Variants in AUTS2 observed in about 807,000 individuals in gnomAD.
AUTS2 encodes the protein autism susceptibility gene 2 protein.
AUTS2 carries 17 observed loss-of-function variants against 112.4 expected under a neutral mutation model. The ratio of observed to expected loss-of-function variants is 0.15; its 90% confidence interval spans 0.10 to 0.23. The LOEUF is 0.23. Ranked by LOEUF, AUTS2 falls within the 10% of genes least tolerant of loss-of-function variation. The probability of loss-of-function intolerance (pLI) is 1.00; values close to 1 mark genes in which losing one functional copy is unlikely to be tolerated. For missense variants in AUTS2, 1,510 were observed against 1,701.6 expected (o/e 0.89, Z 1.98); for synonymous variants, 751 against 702.7 (o/e 1.07, Z -1.09).
chr7:70,772,916 A>G (rs1257948469), intron 11 of AUTS2, among the ~76,000 whole-genome samples: 2 of 152,266 alleles, frequency 1.3e-5, no homozygotes, highest in Non-Finnish European at 2.9e-5. Flanking sequence ...CTCCCCAAAC[A>G]GACTGGTAGG....
intron 1 of AUTS2, among the ~76,000 whole-genome samples, chr7:69,887,787 A>G (rs1794340985): frequency 6.6e-6 from 1 of 152,224 alleles, no homozygotes; most frequent in East Asian, 1.9e-4. Context: ...ATAGTGAGGT[A>G]CTGAGATCCA....
intron 4 of AUTS2, among the ~76,000 whole-genome samples, chr7:70,295,923 A>T (rs931164157): frequency 2.6e-5 from 4 of 152,170 alleles, no homozygotes; most frequent in African/African-American, 9.7e-5. Context: ...TGTCTACTTC[A>T]TCCATCTGCC....
intron 2 of AUTS2, among the ~76,000 whole-genome samples, chr7:70,070,877 G>GA (rs549466401): frequency 0.1 from 10,150 of 100,710 alleles, 491 homozygotes; most frequent in African/African-American, 0.15. Context: ...GACTCCATCT[G>GA]AAAAAAAAAA....
At chr7:70,074,547 G>A (rs541667828) in intron 2 of AUTS2, among the ~76,000 whole-genome samples, 1 of 152,204 alleles carries the variant, frequency 6.6e-6, no homozygotes, top group South Asian at 2.1e-4. Context: ...CCTGTTTAAG[G>A]ATTAGTGTCC....
chr7:70,079,760 A>G (rs1283155335), intron 2 of AUTS2, among the ~76,000 whole-genome samples: 4 of 152,104 alleles, frequency 2.6e-5, no homozygotes, highest in Admixed American at 2.0e-4. Context: ...AAATTGGTAA[A>G]CAGGATGTCT....
intron 4 of AUTS2, among the ~76,000 whole-genome samples, chr7:70,184,101 GT>G (rs1203176386): frequency 1.3e-5 from 2 of 152,100 alleles, no homozygotes; most frequent in African/African-American, 4.8e-5. Flanking sequence ...TCAGGATTTT[GT>G]TTTCTTCTGT....
chr7:69,925,159 T>C (rs2129543301), intron 2 of AUTS2, among the ~76,000 whole-genome samples: 1 of 152,298 alleles, frequency 6.6e-6, no homozygotes, highest in Middle Eastern at 3.4e-3. Flanking sequence ...TCCCCTCTTC[T>C]CTCTCTGTCA....
chr7:70,220,839 G>C (rs943463972), intron 4 of AUTS2, among the ~76,000 whole-genome samples: 1 of 152,084 alleles, frequency 6.6e-6, no homozygotes, highest in East Asian at 1.9e-4. Flanking sequence ...CAAACATATA[G>C]CAGTTTTAAA....
chr7:69,773,201 C>A (rs1788741008), intron 1 of AUTS2, among the ~76,000 whole-genome samples: 1 of 152,138 alleles, frequency 6.6e-6, no homozygotes, highest in African/African-American at 2.4e-5. Context: ...CCATGAAAAT[C>A]ATACCCACGT....
intron 2 of AUTS2, among the ~76,000 whole-genome samples, chr7:70,039,234 A>G (rs1251020777): frequency 6.6e-6 from 1 of 152,170 alleles, no homozygotes; most frequent in Non-Finnish European, 1.5e-5. Context: ...CTTAGTTATA[A>G]TGGGGCTTAA....
chr7:70,233,176 T>C (rs1812147039), intron 4 of AUTS2, among the ~76,000 whole-genome samples: 1 of 152,204 alleles, frequency 6.6e-6, no homozygotes. Flanking sequence ...CTTTCATATT[T>C]AGGAGCTGAA....
Position 70,025,249 on chromosome 7 carries a change from G to A in AUTS2, c.523-92883G>A, listed in dbSNP as rs560663043. Reference sequence around the variant, plus strand: ...ACAGAATTAATTTTATTTTATGGGTGAGGAAACTGAGGCTTAAAGAGCTGC... The same window carrying A: ...ACAGAATTAATTTTATTTTATGGGTAAGGAAACTGAGGCTTAAAGAGCTGC... On this transcript the variant is annotated intron_variant, in intron 2 of 18. Transcript: ENST00000342771. 5.3e-5 allele frequency among the ~76,000 whole-genome samples: 8 copies of A among 152,232 alleles called. No individual in the cohort carries two copies. In the East Asian group the frequency reaches 1.2e-3, roughly 22 times the overall value.
intron 5 of AUTS2, among the ~76,000 whole-genome samples, chr7:70,463,580 G>C (rs1341084584): frequency 6.6e-6 from 1 of 152,226 alleles, no homozygotes; most frequent in Non-Finnish European, 1.5e-5. Flanking sequence ...GCTTGGGAGT[G>C]CCAGTTAATT....
intron 2 of AUTS2, among the ~76,000 whole-genome samples, chr7:69,902,208 C>G (rs1174792812): frequency 6.6e-6 from 1 of 151,980 alleles, no homozygotes; most frequent in African/African-American, 2.4e-5. Flanking sequence ...GTTATGTGAT[C>G]ATTGGTAAAA....
chr7:70,534,375 G>A (rs778363424), intron 5 of AUTS2, among the ~76,000 whole-genome samples: 5 of 151,806 alleles, frequency 3.3e-5, no homozygotes, highest in African/African-American at 4.8e-5. Context: ...ACAGAATATC[G>A]GGGAGTTATT....
intron 5 of AUTS2, among the ~76,000 whole-genome samples, chr7:70,569,483 A>G (rs932208171): frequency 4.6e-5 from 7 of 152,166 alleles, no homozygotes; most frequent in African/African-American, 1.4e-4. Context: ...GCTGCTCAAT[A>G]TTGGTTACCC....
chr7:70,218,985 A>AT (rs1423960768), intron 4 of AUTS2, among the ~76,000 whole-genome samples: 2 of 152,190 alleles, frequency 1.3e-5, no homozygotes, highest in African/African-American at 4.8e-5. Flanking sequence ...TATTTGCTAC[A>AT]TTTTTTGTCA....
chr7:70,451,908 C>CA, intron 5 of AUTS2, among the ~76,000 whole-genome samples: 1 of 152,308 alleles, frequency 6.6e-6, no homozygotes, highest in Middle Eastern at 3.4e-3. Context: ...GGCCACCCAG[C>CA]AGCAGCCAGG....
chr7:70,544,266 C>A (rs1800678223), intron 5 of AUTS2, among the ~76,000 whole-genome samples: 1 of 152,170 alleles, frequency 6.6e-6, no homozygotes, highest in African/African-American at 2.4e-5. Context: ...TTTTAAGTAA[C>A]CCAAATTATG....
Sources: gnomAD v4.1 joint callset for allele counts (sites outside exome capture counted in the v4.1 genomes callset) on GRCh38, gnomAD v4.1.1 for gene constraint, MANE v1.5 for transcripts, NCBI Gene and HGNC (gene_info 2026-07-23, HGNC 2026-07-21) for gene names.